Variants in TENM2 observed in about 807,000 individuals in gnomAD.
TENM2 encodes teneurin-2.
Under a neutral mutation model 245.2 loss-of-function variants are expected in TENM2, and 52 were observed. The observed-to-expected ratio is 0.21, with a 90% confidence interval of 0.17 to 0.27. The LOEUF (loss-of-function observed/expected upper bound fraction) is 0.27, where lower values mean the gene tolerates loss of function less well. Ranked by LOEUF, TENM2 falls within the 10% of genes least tolerant of loss-of-function variation. TENM2 has a pLI of 1.00. For missense variants in TENM2, 3,046 were observed against 3,666.8 expected, an observed-to-expected ratio of 0.83 and a Z score of 4.37; for synonymous variants, 1,363 against 1,438.9, an observed-to-expected ratio of 0.95 and a Z score of 1.19.
Position 168,097,882 on chromosome 5 carries a change from C to T in TENM2, c.1712-144C>T. 6.3e-6 allele frequency: 4 copies of T among 631,692 alleles called. No individual in the cohort carries two copies. The South Asian group carries it at 7.6e-5, about 12-fold the overall frequency. 39.1% of individuals were successfully genotyped at this position (631,692 alleles called of 1,614,324 possible). A position where few individuals can be genotyped will look rare whatever the true frequency, so the allele number is the denominator to read the frequency against. The stretch of plus-strand genomic sequence containing the variant: ...CACCACTCCCTATTCTCTTCCTTCA[C>T]TCATTCATATTGCTGACCGATCCCC... On this transcript the variant is annotated intron_variant, in intron 8 of 28. Coordinates refer to ENST00000518659, the Ensembl canonical transcript of TENM2.
At chr5:167,692,694 T>C (rs1361855883) in intron 2 of TENM2, among the ~76,000 whole-genome samples, 4 of 152,176 alleles carry the variant, frequency 2.6e-5, no homozygotes, top group South Asian at 4.1e-4. Flanking sequence ...TCCAATAAGG[T>C]AGGGAGACCC....
At chr5:167,927,375 T>C (rs1186781949) in intron 3 of TENM2, among the ~76,000 whole-genome samples, 1 of 152,202 alleles carries the variant, frequency 6.6e-6, no homozygotes, top group Non-Finnish European at 1.5e-5. Context: ...GAATAGTGCC[T>C]GTGAGCATCT....
intron 3 of TENM2, among the ~76,000 whole-genome samples, chr5:167,923,044 C>T (rs1043832686): frequency 6.6e-6 from 1 of 152,208 alleles, no homozygotes; most frequent in Admixed American, 6.5e-5. Flanking sequence ...GCCATGAGGG[C>T]CAGGTGCAGT....
At chr5:168,171,399 A>G (rs373078195) in intron 13 of TENM2, among the ~76,000 whole-genome samples, 2 of 152,186 alleles carry the variant, frequency 1.3e-5, no homozygotes, top group Non-Finnish European at 2.9e-5. Context: ...CTTTAAAACC[A>G]TTGGCTCCTT....
At chr5:167,337,224 A>G (rs1757830910) in intron 1 of TENM2, among the ~76,000 whole-genome samples, 1 of 152,026 alleles carries the variant, frequency 6.6e-6, no homozygotes, top group African/African-American at 2.4e-5. Flanking sequence ...TGTACGTAAG[A>G]CATACAGCAG....
intron 6 of TENM2, among the ~76,000 whole-genome samples, chr5:168,048,182 A>G (rs1788775063): frequency 7.4e-6 from 1 of 135,038 alleles, no homozygotes; most frequent in Non-Finnish European, 1.5e-5. Context: ...GGAAAAAAAA[A>G]GGTGCTAACA....
At chr5:167,729,183 C>T (rs941650485) in intron 2 of TENM2, 1 of 152,162 alleles carries the variant, frequency 6.6e-6, no homozygotes, top group Non-Finnish European at 1.5e-5. Context: ...TCCTTTCTCC[C>T]TTCCTCTCCC....
At chr5:167,872,534 A>G (rs1382985746) in intron 2 of TENM2, among the ~76,000 whole-genome samples, 1 of 50,168 alleles carries the variant, frequency 2.0e-5, no homozygotes, top group Non-Finnish European at 5.6e-5. Context: ...GAAAGAAAGA[A>G]AGAAAGAAAG....
chr5:167,533,336 G>C (rs1370825879), intron 2 of TENM2, among the ~76,000 whole-genome samples: 1 of 152,180 alleles, frequency 6.6e-6, no homozygotes, highest in South Asian at 2.1e-4. Flanking sequence ...AGTGGTTTTG[G>C]AAAGTTTTAT....
intron 2 of TENM2, among the ~76,000 whole-genome samples, chr5:167,832,233 G>A (rs188018388): frequency 1.4e-4 from 21 of 152,336 alleles, no homozygotes; most frequent in South Asian, 4.1e-4. Flanking sequence ...ACGGCACTGC[G>A]TGGATTACAT....
In TENM2 at chr5:167,398,906, T is replaced by G. The variant is rs578071033; in HGVS notation, c.502+23433T>G. Among the ~76,000 whole-genome samples, 4 of 152,332 alleles carry G rather than the reference T, an allele frequency of 2.6e-5. No homozygotes were observed. The South Asian group carries it at 6.2e-4, about 24-fold the overall frequency. On this transcript the variant is annotated intron_variant, in intron 2 of 28. Coordinates refer to ENST00000518659, the Ensembl canonical transcript of TENM2. Reference sequence around the variant, plus strand: ...AATAATTTTTGCCATATTTAGTCAATGTAGACTGCTTTGAAAGCTTATAGA... The same window carrying G: ...AATAATTTTTGCCATATTTAGTCAAGGTAGACTGCTTTGAAAGCTTATAGA...
At chr5:167,366,897 T>C (rs1760090027) in intron 1 of TENM2, among the ~76,000 whole-genome samples, 1 of 152,204 alleles carries the variant, frequency 6.6e-6, no homozygotes, top group Non-Finnish European at 1.5e-5. Context: ...TAGTTTTTAA[T>C]ACTGAAATTG....
chr5:167,109,518 A>G, the TENM2 span, among the ~76,000 whole-genome samples: 6 of 152,226 alleles, frequency 3.9e-5, no homozygotes, highest in African/African-American at 1.4e-4. Flanking sequence ...AAATGCTATA[A>G]ACCCTTTAAA....
chr5:168,192,767 T>C (rs533619241), intron 14 of TENM2, among the ~76,000 whole-genome samples: 1 of 152,336 alleles, frequency 6.6e-6, no homozygotes, highest in Non-Finnish European at 1.5e-5. Context: ...TTCATCTTGC[T>C]AGAGACCCGT....
At chr5:167,207,751 A>G in the TENM2 span, among the ~76,000 whole-genome samples, 11 of 152,022 alleles carry the variant, frequency 7.2e-5, no homozygotes, top group African/African-American at 2.7e-4. Flanking sequence ...CTGAGGGTAT[A>G]TTCTCTTTTT....
At chr5:167,151,905 C>T in the TENM2 span, among the ~76,000 whole-genome samples, 4 of 152,204 alleles carry the variant, frequency 2.6e-5, no homozygotes, top group Non-Finnish European at 4.4e-5. Context: ...TGTTGACTCT[C>T]TTCACATTCA....
At chr5:167,867,920 A>G (rs750330743) in intron 2 of TENM2, among the ~76,000 whole-genome samples, 13 of 152,290 alleles carry the variant, frequency 8.5e-5, no homozygotes, top group Middle Eastern at 3.4e-3. Flanking sequence ...AAATTCCCCA[A>G]TGGTAGGTTA....
chr5:167,738,189 G>A (rs535859212), intron 2 of TENM2, among the ~76,000 whole-genome samples: 106 of 152,340 alleles, frequency 7.0e-4, no homozygotes, highest in Middle Eastern at 3.4e-3. Context: ...GTGACTGCTT[G>A]ATATCTAGCA....
At chr5:167,139,211 G>A in the TENM2 span, among the ~76,000 whole-genome samples, 1 of 152,198 alleles carries the variant, frequency 6.6e-6, no homozygotes, top group African/African-American at 2.4e-5. Flanking sequence ...CAATGATCCT[G>A]CACGTTTCTT....
Sources: allele counts gnomAD v4.1 joint callset (sites outside exome capture counted in the v4.1 genomes callset), GRCh38; gene constraint gnomAD v4.1.1; transcripts MANE v1.5; gene names NCBI Gene and HGNC (gene_info 2026-07-23, HGNC 2026-07-21).